Variants in DENND2A observed in about 807,000 individuals in gnomAD.
DENND2A encodes the protein DENN domain containing 2A, also known as DENN domain-containing protein 2A.
Under a neutral mutation model 105.3 loss-of-function variants are expected in DENND2A, and 53 were observed. That is an observed-to-expected ratio of 0.50 (90% CI 0.40 to 0.63). The LOEUF is 0.63. DENND2A is among the 30% of genes least tolerant of loss of function. The pLI is 0.00. For missense variants in DENND2A, 1,138 were observed against 1,279.6 expected (o/e 0.89, Z 1.69); for synonymous variants, 522 against 508.4 (o/e 1.03, Z -0.36).
chr7:140,638,918 T>C (rs7798295), intron 1 of DENND2A, among the ~76,000 whole-genome samples: 8,716 of 152,202 alleles, frequency 0.057, 791 homozygotes, highest in African/African-American at 0.19. Context: ...ACTACCCAGC[T>C]AGGATGGTGT....
intron 1 of DENND2A, among the ~76,000 whole-genome samples, chr7:140,636,684 C>CTT (rs35563637): frequency 1.1e-3 from 113 of 98,304 alleles, no homozygotes; most frequent in African/African-American, 2.8e-3. Context: ...CCTCCCCAGC[C>CTT]TTTTTTTTTT....
intron 3 of DENND2A, among the ~76,000 whole-genome samples, chr7:140,599,093 T>G (rs771334011): frequency 9.2e-5 from 14 of 152,054 alleles, no homozygotes; most frequent in Non-Finnish European, 1.8e-4. Context: ...TCCCAGCAGT[T>G]TGGGAGGCCA....
At chr7:140,569,948 G>A (rs1484471063) in intron 6 of DENND2A, among the ~76,000 whole-genome samples, 1 of 152,020 alleles carries the variant, frequency 6.6e-6, no homozygotes, top group African/African-American at 2.4e-5. Context: ...AGACTGGGGT[G>A]CAATGGCGCA....
chr7:140,580,007 G>A (rs1798473268), intron 5 of DENND2A, among the ~76,000 whole-genome samples: 1 of 151,942 alleles, frequency 6.6e-6, no homozygotes, highest in African/African-American at 2.4e-5. Flanking sequence ...GGTGGTGGAC[G>A]CCCATAGTCC....
rs764413244 is a variant in DENND2A, at chr7:140,527,402, G to A, written c.2421C>T (p.Val807=). The change falls in exon 15 of 20, where the codon GTC becomes GTT. Residue 807 remains valine, a synonymous_variant. Coordinates refer to ENST00000496613, the MANE Select transcript of DENND2A (RefSeq NM_015689.5). This position sits in a 1 kb window ranked among gnomAD's most constrained non-coding sequence, Gnocchi z 4.9. ...AGGGCGTCGGCGAGCACACGATGTC[G>A]ACCATGGCGGGTGGCAGCACCGGGA... is the stretch of plus-strand genomic sequence containing the variant. ...TYIPVLPPAM[V]DIVCSPTPFL... is the part of the protein sequence containing the mutation. 14 of 1,608,660 alleles carry A rather than the reference G, an allele frequency of 8.7e-6. No individual in the cohort carries two copies. Among genetic ancestry groups the A allele is most frequent in the Middle Eastern group, 1.7e-4 (1 of 6,028 alleles).
intron 1 of DENND2A, among the ~76,000 whole-genome samples, chr7:140,623,467 C>T (rs1012744008): frequency 6.6e-5 from 10 of 151,738 alleles, no homozygotes; most frequent in Admixed American, 4.6e-4. Context: ...CGGTGGTTCA[C>T]GCCTGTAATC....
chr7:140,533,785 A>G (rs10254777), intron 14 of DENND2A, among the ~76,000 whole-genome samples: 52,945 of 152,024 alleles, frequency 0.35, 9,809 homozygotes, highest in African/African-American at 0.47. Flanking sequence ...TGGCTGCAAC[A>G]AACGTTTCTG....
intron 1 of DENND2A, among the ~76,000 whole-genome samples, chr7:140,626,941 A>G (rs1173730157): frequency 6.6e-6 from 1 of 152,218 alleles, no homozygotes; most frequent in Non-Finnish European, 1.5e-5. Flanking sequence ...AATTCCAGTG[A>G]ACTTGGAGAG....
chr7:140,531,871 G>T (rs1796284629), intron 14 of DENND2A, among the ~76,000 whole-genome samples: 1 of 151,626 alleles, frequency 6.6e-6, no homozygotes, highest in Non-Finnish European at 1.5e-5. Context: ...GTGTGGTGGG[G>T]GCGGGTGGGA....
chr7:140,579,293 A>AAAT (rs199505480), intron 5 of DENND2A, among the ~76,000 whole-genome samples: 116 of 152,012 alleles, frequency 7.6e-4, no homozygotes, highest in African/African-American at 1.4e-3. Context: ...CTCTGTCTCA[A>AAAT]AATAATAATA....
Position 140,527,479 on chromosome 7 carries a change from A to G in DENND2A, c.2344T>C (p.Cys782Arg). The change falls in exon 15 of 20, where the codon TGC (cysteine) becomes CGC (arginine). Residue 782 changes from cysteine (C) to arginine (R), a missense_variant. This residue lies in a region of DENND2A where 627 missense variants were observed against 779.8 expected (regional missense o/e 0.80). Transcript: ENST00000496613. The surrounding 1 kb of genome is among the most constrained non-coding windows in gnomAD (Gnocchi z 4.9). ...TAGATCAGCGCCACCATCGCGTGGCAGCACTTGGACAGGATGCTGCAGCCG... is the reference window on the plus strand; with the variant it reads ...TAGATCAGCGCCACCATCGCGTGGCGGCACTTGGACAGGATGCTGCAGCCG... Reference protein sequence around the residue: ...ADKLSILSKCCHAMVALIYPF... With the variant: ...ADKLSILSKCRHAMVALIYPF... The G allele has an allele frequency of 6.2e-7, 1 of 1,605,320 alleles. No individual in the cohort carries two copies. Among genetic ancestry groups the G allele is most frequent in the Non-Finnish European group, 8.5e-7 (1 of 1,175,884 alleles).
At chr7:140,635,924 C>T (rs1800912413) in intron 1 of DENND2A, among the ~76,000 whole-genome samples, 1 of 152,220 alleles carries the variant, frequency 6.6e-6, no homozygotes, top group Admixed American at 6.5e-5. Flanking sequence ...ACTCTGGCTT[C>T]CCAGCATGTC....
intron 1 of DENND2A, among the ~76,000 whole-genome samples, chr7:140,619,194 T>C (rs1206738291): frequency 1.3e-5 from 2 of 152,346 alleles, no homozygotes; most frequent in East Asian, 1.9e-4. Context: ...ACTTATAATA[T>C]TGAAAAGTTA....
chr7:140,527,544 G>T lies in DENND2A; in HGVS notation c.2328-49C>A, dbSNP rs748733944. The T allele has an allele frequency of 9.1e-6, 14 of 1,532,100 alleles. No individual in the cohort carries two copies. Among genetic ancestry groups the T allele is most frequent in the Admixed American group, 2.0e-5 (1 of 50,764 alleles). 94.9% of individuals were successfully genotyped at this position (1,532,100 alleles called of 1,614,324 possible). ...AGAGAGGCCGACTCAGCGAGGGCCC[G>T]AGGAAGCCTCCAGGGGAGAAGGCTC... On this transcript the variant is annotated intron_variant, in intron 14 of 19. Transcript: ENST00000496613. The surrounding 1 kb of genome is among the most constrained non-coding windows in gnomAD (Gnocchi z 4.9).
At chr7:140,630,679 T>C (rs1421491295) in intron 1 of DENND2A, among the ~76,000 whole-genome samples, 1 of 152,042 alleles carries the variant, frequency 6.6e-6, no homozygotes, top group African/African-American at 2.4e-5. Flanking sequence ...AGCCTGTTTC[T>C]ACTAAAAATA....
chr7:140,593,208 A>C (rs1433501340), intron 3 of DENND2A, among the ~76,000 whole-genome samples: 1 of 152,256 alleles, frequency 6.6e-6, no homozygotes, highest in East Asian at 1.9e-4. Flanking sequence ...CTGCAAGTTT[A>C]ATAAGTAAAC....
At chr7:140,536,845 T>A (rs1287588459) in intron 14 of DENND2A, among the ~76,000 whole-genome samples, 1 of 152,092 alleles carries the variant, frequency 6.6e-6, no homozygotes, top group Non-Finnish European at 1.5e-5. Context: ...GTATTTTTAG[T>A]ACAGACGGGG....
chr7:140,527,279 A>C lies in DENND2A; in HGVS notation c.2505+39T>G, dbSNP rs1437709673. ...GCCAGCGCCCCGCTCTGTTCTCCGCACCCTGCAGGGAGGGGGACAGGGCTG... is the reference window on the plus strand; with the variant it reads ...GCCAGCGCCCCGCTCTGTTCTCCGCCCCCTGCAGGGAGGGGGACAGGGCTG... On this transcript the variant is annotated intron_variant, in intron 15 of 19. Transcript: ENST00000496613. This position sits in a 1 kb window ranked among gnomAD's most constrained non-coding sequence, Gnocchi z 4.9. The C allele has an allele frequency of 6.5e-7, 1 of 1,529,514 alleles. No homozygotes were observed. Among genetic ancestry groups the C allele is most frequent in the African/African-American group, 1.4e-5 (1 of 73,020 alleles). The allele number at this position is 1,529,514 out of a possible 1,614,324, so 94.7% of individuals were successfully genotyped here.
intron 1 of DENND2A, among the ~76,000 whole-genome samples, chr7:140,624,220 C>G (rs1012995203): frequency 2.0e-5 from 3 of 152,212 alleles, no homozygotes; most frequent in African/African-American, 7.2e-5. Flanking sequence ...GCTGACCCAG[C>G]CTTCCACATC....
Sources: allele counts gnomAD v4.1 joint callset (sites outside exome capture counted in the v4.1 genomes callset), GRCh38; gene constraint gnomAD v4.1.1; regional missense constraint gnomAD v4.1.1; non-coding constraint Gnocchi (gnomAD v3.1); transcripts MANE v1.5; gene names NCBI Gene and HGNC (gene_info 2026-07-23, HGNC 2026-07-21).